Variants in ANK2 observed in about 807,000 individuals in gnomAD.
The protein encoded by ANK2 is ankyrin-2.
Under a neutral mutation model 360.5 loss-of-function variants are expected in ANK2, and 83 were observed. The ratio of observed to expected loss-of-function variants is 0.23; its 90% CI spans 0.19 to 0.28. The LOEUF (loss-of-function observed/expected upper bound fraction) is 0.28, where lower values mean the gene tolerates loss of function less well. ANK2 is among the 10% of genes least tolerant of loss of function. The pLI is 1.00. For synonymous variants in ANK2, 1,740 were observed against 1,759.5 expected (o/e 0.99, Z 0.28); for missense variants, 4,201 against 4,795.7 (o/e 0.88, Z 3.66).
At chr4:112,724,556 TACACACACAC>T in the ANK2 span, among the ~76,000 whole-genome samples, 37 of 141,766 alleles carry the variant, frequency 2.6e-4, no homozygotes, top group African/African-American at 8.4e-4. Context: ...CACACACACA[TACACACACAC>T]ACACACACAC....
the ANK2 span, among the ~76,000 whole-genome samples, chr4:112,806,337 A>G: frequency 6.6e-6 from 1 of 152,216 alleles, no homozygotes; most frequent in Non-Finnish European, 1.5e-5. Context: ...TTTACTTAAC[A>G]TAATGTTCTC....
chr4:112,863,475 C>T (rs1233586805), intron 1 of ANK2, among the ~76,000 whole-genome samples: 3 of 139,370 alleles, frequency 2.2e-5, no homozygotes, highest in African/African-American at 5.3e-5. Flanking sequence ...TTTGGAAATT[C>T]TTACATAATT....
intron 43 of ANK2, chr4:113,372,670 C>T: frequency 2.2e-6 from 3 of 1,334,558 alleles, no homozygotes; most frequent in East Asian, 2.5e-5. Context: ...GTCCTGTCCC[C>T]ATATTCTAAG....
At chr4:112,841,726 TC>T (rs2062119797) in intron 1 of ANK2, among the ~76,000 whole-genome samples, 1 of 152,158 alleles carries the variant, frequency 6.6e-6, no homozygotes, top group Non-Finnish European at 1.5e-5. Context: ...ATAGGTTTGC[TC>T]CATAAACTCT....
intron 2 of ANK2, among the ~76,000 whole-genome samples, chr4:112,958,023 TTC>T (rs1446133366): frequency 2.0e-5 from 3 of 148,810 alleles, no homozygotes; most frequent in Non-Finnish European, 4.4e-5. Flanking sequence ...CGCTCCTCAC[TTC>T]CTAGATGGGT....
At chr4:113,266,545 T>G (rs945628963) in intron 14 of ANK2, among the ~76,000 whole-genome samples, 2 of 152,202 alleles carry the variant, frequency 1.3e-5, no homozygotes, top group African/African-American at 4.8e-5. Context: ...TCTTCCACAA[T>G]GGTTGAACTA....
chr4:112,925,040 G>T (rs1419997554), intron 2 of ANK2, among the ~76,000 whole-genome samples: 2 of 151,800 alleles, frequency 1.3e-5, no homozygotes, highest in East Asian at 3.9e-4. Flanking sequence ...AGGTTTCATC[G>T]TGTTAGCCAG....
rs115213390 is a variant in ANK2, at chr4:113,074,438, C to T, written c.84+24626C>T. On this transcript the variant is annotated intron_variant, in intron 1 of 45. Coordinates refer to ENST00000357077, the MANE Select transcript of ANK2 (RefSeq NM_001148.6). The stretch of plus-strand genomic sequence containing the variant: ...CTCAGTATTTTTTCATATGTCTCCT[C>T]ATGTGCATAATATGTAATTAGATTT... Among the ~76,000 whole-genome samples, 1,337 of 152,176 alleles carry T rather than the reference C, an allele frequency of 8.8e-3. 20 individuals carry two copies. The highest frequency in any genetic ancestry group is 0.03 in the African/African-American group (1,243 of 41,520).
chr4:112,900,776 C>T (rs577942920), intron 1 of ANK2, among the ~76,000 whole-genome samples: 151 of 152,116 alleles, frequency 9.9e-4, no homozygotes, highest in Non-Finnish European at 1.8e-3. Flanking sequence ...TGAAGATTAC[C>T]CTCCACCAAG....
At chr4:112,762,493 G>T in the ANK2 span, among the ~76,000 whole-genome samples, 2 of 152,118 alleles carry the variant, frequency 1.3e-5, no homozygotes, top group African/African-American at 4.8e-5. Flanking sequence ...AAAGGCATGT[G>T]AATGCTTTTC....
the ANK2 span, among the ~76,000 whole-genome samples, chr4:112,727,112 C>T: frequency 1.3e-5 from 2 of 151,874 alleles, no homozygotes; most frequent in African/African-American, 4.8e-5. Flanking sequence ...TTGTTTAACT[C>T]AAATTTTTAT....
intron 14 of ANK2, among the ~76,000 whole-genome samples, chr4:113,274,005 G>A (rs1035343571): frequency 2.0e-5 from 3 of 152,156 alleles, no homozygotes; most frequent in African/African-American, 7.2e-5. Context: ...GCTGAATGGA[G>A]TAAAATCAAA....
At chr4:112,895,697 A>T (rs2081529161) in intron 1 of ANK2, among the ~76,000 whole-genome samples, 1 of 152,232 alleles carries the variant, frequency 6.6e-6, no homozygotes, top group African/African-American at 2.4e-5. Context: ...CTTTTAATTC[A>T]TAAGCAACTT....
chr4:113,173,014 G>T (rs551453146), intron 1 of ANK2, among the ~76,000 whole-genome samples: 3 of 152,196 alleles, frequency 2.0e-5, no homozygotes, highest in African/African-American at 7.2e-5. Flanking sequence ...GAAGGATGAA[G>T]AGTGAAGAAC....
At chr4:112,756,098 G>A in the ANK2 span, among the ~76,000 whole-genome samples, 3 of 151,992 alleles carry the variant, frequency 2.0e-5, no homozygotes, top group Admixed American at 6.6e-5. Context: ...AATTAGCCGG[G>A]TGTGGTGGCG....
chr4:112,763,749 T>A, the ANK2 span, among the ~76,000 whole-genome samples: 2 of 151,636 alleles, frequency 1.3e-5, no homozygotes, highest in South Asian at 4.2e-4. Flanking sequence ...CTTGATCTCC[T>A]GACCTCGTGA....
chr4:113,369,101 G>T (rs2096639200), intron 42 of ANK2, among the ~76,000 whole-genome samples: 2 of 151,916 alleles, frequency 1.3e-5, no homozygotes, highest in Admixed American at 1.3e-4. Context: ...ATATTAACAT[G>T]GGGATTTATG....
chr4:113,102,533 G>A (rs1206977213), intron 1 of ANK2, among the ~76,000 whole-genome samples: 2 of 152,096 alleles, frequency 1.3e-5, no homozygotes, highest in African/African-American at 4.8e-5. Flanking sequence ...CCCCAGGACA[G>A]TTCTGAATTT....
At chr4:112,992,316 G>T (rs897741715) in intron 2 of ANK2, among the ~76,000 whole-genome samples, 2 of 151,968 alleles carry the variant, frequency 1.3e-5, no homozygotes, top group African/African-American at 4.8e-5. Context: ...GCTAATTTTT[G>T]TATTTTTAGT....
Sources: allele counts gnomAD v4.1 joint callset (sites outside exome capture counted in the v4.1 genomes callset), GRCh38; gene constraint gnomAD v4.1.1; transcripts MANE v1.5; gene names NCBI Gene and HGNC (gene_info 2026-07-23, HGNC 2026-07-21).